PTPRD: variants seen among roughly 807,000 people sequenced by gnomAD.
The protein encoded by PTPRD is protein tyrosine phosphatase receptor type D, also known as receptor-type tyrosine-protein phosphatase delta.
A neutral mutation model predicts 214.5 loss-of-function variants in PTPRD; 34 were observed. The ratio of observed to expected loss-of-function variants is 0.16; its 90% confidence interval spans 0.12 to 0.21. The LOEUF (loss-of-function observed/expected upper bound fraction) is 0.21. Among genes scored for constraint, PTPRD ranks in the 10% least tolerant of loss-of-function variants. PTPRD has a pLI of 1.00. For missense variants in PTPRD, 2,545 were observed against 2,398.7 expected (o/e 1.06, Z -1.27); for synonymous variants, 1,128 against 845.7 (o/e 1.33, Z -5.79).
chr9:9,192,381 G>A (rs2099935793), intron 9 of PTPRD, among the ~76,000 whole-genome samples: 5 of 152,074 alleles, frequency 3.3e-5, no homozygotes, highest in Admixed American at 3.3e-4. Context: ...ACCTGCTTTG[G>A]TAGTAGGCTA....
intron 5 of PTPRD, among the ~76,000 whole-genome samples, chr9:9,925,708 T>C (rs2084038576): frequency 6.6e-6 from 1 of 152,144 alleles, no homozygotes; most frequent in African/African-American, 2.4e-5. Context: ...TAACTTCTAA[T>C]GTCGTGTCTC....
intron 7 of PTPRD, among the ~76,000 whole-genome samples, chr9:9,605,361 G>A (rs1371222368): frequency 6.6e-6 from 1 of 152,040 alleles, no homozygotes; most frequent in Non-Finnish European, 1.5e-5. Flanking sequence ...TAGTGTCTAT[G>A]TCATTGGAAG....
intron 10 of PTPRD, among the ~76,000 whole-genome samples, chr9:9,050,091 A>G (rs187907467): frequency 1.7e-4 from 26 of 152,334 alleles, no homozygotes; most frequent in Non-Finnish European, 2.5e-4. Context: ...TTTATTGCCC[A>G]TGCAATTTAT....
intron 8 of PTPRD, among the ~76,000 whole-genome samples, chr9:9,460,957 T>G (rs2093602984): frequency 6.6e-6 from 1 of 152,008 alleles, no homozygotes; most frequent in South Asian, 2.1e-4. Context: ...ATAAAGAAAA[T>G]GTGGTATAAA....
intron 11 of PTPRD, among the ~76,000 whole-genome samples, chr9:8,870,964 C>T (rs1361310095): frequency 6.6e-6 from 1 of 152,176 alleles, no homozygotes; most frequent in Non-Finnish European, 1.5e-5. Flanking sequence ...GCCTTTTATT[C>T]CCTGCCTGCT....
intron 11 of PTPRD, among the ~76,000 whole-genome samples, chr9:8,845,712 T>TGA (rs1306393709): frequency 2.0e-5 from 3 of 152,230 alleles, no homozygotes; most frequent in Non-Finnish European, 2.9e-5. Flanking sequence ...GGCCCATGTG[T>TGA]GAGACATACG....
intron 3 of PTPRD, among the ~76,000 whole-genome samples, chr9:10,268,474 A>T (rs2094225708): frequency 6.6e-6 from 1 of 151,986 alleles, no homozygotes; most frequent in African/African-American, 2.4e-5. Context: ...GACCTCAAAA[A>T]CTCTAAAGTG....
intron 3 of PTPRD, among the ~76,000 whole-genome samples, chr9:10,180,944 C>T (rs2099278760): frequency 1.3e-5 from 2 of 151,480 alleles, no homozygotes; most frequent in African/African-American, 4.8e-5. Flanking sequence ...CCTAAAAATC[C>T]AAGTAAATAT....
intron 9 of PTPRD, among the ~76,000 whole-genome samples, chr9:9,386,323 T>C (rs1022505807): frequency 6.6e-6 from 1 of 152,130 alleles, no homozygotes; most frequent in African/African-American, 2.4e-5. Flanking sequence ...TGCCTCACAT[T>C]GAACCAATGA....
At chr9:9,641,901 A>T (rs1320144549) in intron 7 of PTPRD, among the ~76,000 whole-genome samples, 1 of 152,156 alleles carries the variant, frequency 6.6e-6, no homozygotes, top group East Asian at 1.9e-4. Flanking sequence ...GGAAGGCCTC[A>T]GGACTCAGAC....
intron 2 of PTPRD, among the ~76,000 whole-genome samples, chr9:10,580,926 T>C (rs1291578273): frequency 3.9e-5 from 6 of 152,212 alleles, no homozygotes; most frequent in Admixed American, 3.9e-4. Context: ...TTCACTGATT[T>C]CCTCAAATAT....
chr9:9,026,384 T>C (rs2099587204), intron 10 of PTPRD, among the ~76,000 whole-genome samples: 2 of 151,966 alleles, frequency 1.3e-5, no homozygotes, highest in Non-Finnish European at 2.9e-5. Context: ...TTGTAAGTCA[T>C]GGTAAGTTGA....
rs35772205 is a variant in PTPRD at position 9,547,796 on chromosome 9, T to TCACACACACACACACACACACACA, written c.-237+26912_-237+26935dup. Among the ~76,000 whole-genome samples, 280 of 142,438 alleles carry TCACACACACACACACACACACACA rather than the reference T, an allele frequency of 2.0e-3. 4 individuals carry two copies. Among genetic ancestry groups the TCACACACACACACACACACACACA allele is most frequent in the Non-Finnish European group, 9.1e-4 (59 of 64,500 alleles). 93.4% of individuals were successfully genotyped at this position (142,438 alleles called of 152,430 possible). On this transcript the variant is annotated intron_variant, in intron 8 of 45. Coordinates refer to ENST00000381196, the MANE Select transcript of PTPRD (RefSeq NM_002839.4). ...TAAGAAAGCTCAAATAAACACAAAT[T>TCACACACACACACACACACACACA]CACACACACACACACACACACACAC...
At chr9:9,783,818 CGT>C (rs1491339737) in intron 5 of PTPRD, among the ~76,000 whole-genome samples, 3 of 77,956 alleles carry the variant, frequency 3.8e-5, no homozygotes, top group South Asian at 6.4e-4. Flanking sequence ...TCTCCTGCTT[CGT>C]TTTTTTTTTT....
At chr9:8,748,987 A>C (rs961393206) in intron 11 of PTPRD, among the ~76,000 whole-genome samples, 3 of 150,778 alleles carry the variant, frequency 2.0e-5, no homozygotes, top group African/African-American at 7.5e-5. Flanking sequence ...TTTAGTGCTT[A>C]TTTCAACACA....
At chr9:8,675,048 A>G (rs2097372257) in intron 12 of PTPRD, among the ~76,000 whole-genome samples, 1 of 152,166 alleles carries the variant, frequency 6.6e-6, no homozygotes, top group Non-Finnish European at 1.5e-5. Flanking sequence ...CAGTAAATAC[A>G]TGTCAACATC....
At chr9:8,811,209 T>C (rs1385925124) in intron 11 of PTPRD, among the ~76,000 whole-genome samples, 2 of 152,090 alleles carry the variant, frequency 1.3e-5, no homozygotes, top group African/African-American at 4.8e-5. Context: ...ATGGACTCCA[T>C]CTCCTTTTCG....
chr9:9,751,519 T>C (rs1293593392), intron 6 of PTPRD, among the ~76,000 whole-genome samples: 2 of 152,162 alleles, frequency 1.3e-5, no homozygotes, highest in African/African-American at 2.4e-5. Flanking sequence ...TACCTCAGAA[T>C]GTGACTTTCT....
At chr9:10,292,433 C>T (rs1391271453) in intron 3 of PTPRD, among the ~76,000 whole-genome samples, 1 of 151,900 alleles carries the variant, frequency 6.6e-6, no homozygotes. Context: ...CTTCCAATAC[C>T]TTCTCATTTC....
Sources: gnomAD v4.1 joint callset for allele counts (sites outside exome capture counted in the v4.1 genomes callset) on GRCh38, gnomAD v4.1.1 for gene constraint, MANE v1.5 for transcripts, NCBI Gene and HGNC (gene_info 2026-07-23, HGNC 2026-07-21) for gene names.